The following ERBB4 variants were observed in gnomAD, a reference collection of about 807,000 sequenced individuals.
ERBB4 encodes receptor tyrosine-protein kinase erbB-4.
ERBB4 carries 42 observed loss-of-function variants against 158.0 expected under a neutral mutation model. The observed-to-expected ratio is 0.27, with a 90% confidence interval of 0.21 to 0.34. The LOEUF is 0.34. Among genes scored for constraint, ERBB4 ranks in the 10% least tolerant of loss-of-function variants. The pLI, the probability that ERBB4 is intolerant of heterozygous loss-of-function variation, is 1.00. For missense variants in ERBB4, 1,333 were observed against 1,624.1 expected (o/e 0.82, Z 3.08); for synonymous variants, 583 against 558.7 (o/e 1.04, Z -0.61).
At chr2:211,709,551 C>T (rs777352714) in intron 9 of ERBB4, among the ~76,000 whole-genome samples, 1 of 151,956 alleles carries the variant, frequency 6.6e-6, no homozygotes, top group Non-Finnish European at 1.5e-5. Flanking sequence ...CACCACCCCA[C>T]GAACAGGAAG....
chr2:211,739,495 C>G (rs571241211), intron 5 of ERBB4, among the ~76,000 whole-genome samples: 2 of 152,136 alleles, frequency 1.3e-5, no homozygotes, highest in Non-Finnish European at 2.9e-5. Context: ...GACAGAGTCT[C>G]GCTCTGTCAC....
chr2:212,180,957 T>C (rs2081840001), intron 1 of ERBB4, among the ~76,000 whole-genome samples: 1 of 151,736 alleles, frequency 6.6e-6, no homozygotes, highest in South Asian at 2.1e-4. Context: ...AGTGCTTTTA[T>C]TTTATGATCT....
chr2:212,006,921 T>G (rs890963945), intron 2 of ERBB4, among the ~76,000 whole-genome samples: 3 of 152,056 alleles, frequency 2.0e-5, no homozygotes, highest in Non-Finnish European at 2.9e-5. Context: ...ATGAAATTAA[T>G]GATAGGAAAA....
intron 1 of ERBB4, among the ~76,000 whole-genome samples, chr2:212,209,787 GCA>G (rs201801624): frequency 0.032 from 4,818 of 152,182 alleles, 94 homozygotes; most frequent in Middle Eastern, 0.058. Context: ...CCTACTAATT[GCA>G]CAGTGTTCTC....
chr2:212,419,745 C>T (rs1664444396), intron 1 of ERBB4, among the ~76,000 whole-genome samples: 2 of 151,690 alleles, frequency 1.3e-5, no homozygotes, highest in Admixed American at 6.6e-5. Context: ...ATGTTTAAGA[C>T]ATCTGAATAT....
At chr2:212,201,020 A>T (rs2082573632) in intron 1 of ERBB4, among the ~76,000 whole-genome samples, 1 of 152,116 alleles carries the variant, frequency 6.6e-6, no homozygotes, top group Non-Finnish European at 1.5e-5. Context: ...ACGAATGTCT[A>T]CTCCTTTAAA....
At position 212,398,102 on chromosome 2, in the gene ERBB4, A is replaced by G. The variant is rs1038947019; in HGVS notation, c.82+140347T>C. 1.2e-4 allele frequency among the ~76,000 whole-genome samples: 18 copies of G among 149,784 alleles called. No homozygotes were observed. The East Asian group carries it at 2.2e-3, about 18-fold the overall frequency. Reference sequence around the variant, plus strand: ...CTGAAATATAACCTGATACATATATATGTGTGTGTGTGTGTGTGTGTATAT... The same window carrying G: ...CTGAAATATAACCTGATACATATATGTGTGTGTGTGTGTGTGTGTGTATAT... On this transcript the variant is annotated intron_variant, in intron 1 of 27. Coordinates refer to ENST00000342788, the MANE Select transcript of ERBB4 (RefSeq NM_005235.3).
At chr2:212,445,495 G>A (rs1484389406) in intron 1 of ERBB4, among the ~76,000 whole-genome samples, 2 of 152,070 alleles carry the variant, frequency 1.3e-5, no homozygotes, top group Non-Finnish European at 2.9e-5. Flanking sequence ...GACACTTTAG[G>A]ATCCTCCTAC....
chr2:212,483,190 T>C (rs1293681451), intron 1 of ERBB4, among the ~76,000 whole-genome samples: 1 of 152,216 alleles, frequency 6.6e-6, no homozygotes, highest in Non-Finnish European at 1.5e-5. Context: ...TCTATCCCTG[T>C]CTTCCTGTGA....
At chr2:211,588,151 A>T (rs1438353592) in intron 19 of ERBB4, among the ~76,000 whole-genome samples, 1 of 152,208 alleles carries the variant, frequency 6.6e-6, no homozygotes, top group East Asian at 1.9e-4. Flanking sequence ...GAAGAAAAAT[A>T]AGAATGTATG....
intron 3 of ERBB4, among the ~76,000 whole-genome samples, chr2:211,903,050 CT>C (rs1395872282): frequency 6.6e-6 from 1 of 151,818 alleles, no homozygotes; most frequent in Non-Finnish European, 1.5e-5. Flanking sequence ...ATATATAGCT[CT>C]TCTATTGCAT....
At chr2:211,786,149 A>G (rs1231667502) in intron 4 of ERBB4, among the ~76,000 whole-genome samples, 1 of 152,184 alleles carries the variant, frequency 6.6e-6, no homozygotes, top group African/African-American at 2.4e-5. Context: ...AAAGATAATA[A>G]TGACCCCCCA....
intron 2 of ERBB4, among the ~76,000 whole-genome samples, chr2:212,081,465 A>T (rs1051963842): frequency 4.6e-5 from 7 of 152,182 alleles, no homozygotes; most frequent in Admixed American, 1.3e-4. Flanking sequence ...TAATGCCATC[A>T]CACTAAATCA....
At chr2:211,582,081 T>A (rs12694243) in intron 19 of ERBB4, among the ~76,000 whole-genome samples, 7 of 151,878 alleles carry the variant, frequency 4.6e-5, no homozygotes, top group Non-Finnish European at 4.4e-5. Flanking sequence ...TATCTTCTGG[T>A]GACTACAGGC....
rs2062611863 is a variant in ERBB4, at chr2:211,383,425, T to C, written c.*190A>G. On this transcript the variant is annotated 3_prime_UTR_variant, in exon 28 of 28. Coordinates refer to ENST00000342788, the MANE Select transcript of ERBB4 (RefSeq NM_005235.3). ...AAGAAACATTGTGGTTCCTCCTATC[T>C]TTCTCTTTCAGTCTTTCCCTCTAAT... 3.3e-6 allele frequency: 2 copies of C among 601,254 alleles called. No individual in the cohort carries two copies. The highest frequency in any genetic ancestry group is 3.9e-5 in the South Asian group (2 of 51,132). 37.2% of individuals were successfully genotyped at this position (601,254 alleles called of 1,614,324 possible).
intron 19 of ERBB4, among the ~76,000 whole-genome samples, chr2:211,609,375 A>ATTTT (rs2069106063): frequency 6.6e-6 from 1 of 152,170 alleles, no homozygotes; most frequent in East Asian, 1.9e-4. Context: ...AAGAATTTAG[A>ATTTT]CAGACAGGCC....
At chr2:212,154,319 T>G (rs2080966486) in intron 1 of ERBB4, among the ~76,000 whole-genome samples, 1 of 152,158 alleles carries the variant, frequency 6.6e-6, no homozygotes, top group South Asian at 2.1e-4. Flanking sequence ...CAGCCCTGCC[T>G]TAATATACAA....
At position 212,124,906 on chromosome 2, in the gene ERBB4, G is replaced by A. The variant is rs2125571829; in HGVS notation, c.83-3C>T. Reference sequence around the variant, plus strand: ...TTTATTCTCCGTTCCTGCACACACTGCAAAGACAAGAAGATACACGTGAAA... The same window carrying A: ...TTTATTCTCCGTTCCTGCACACACTACAAAGACAAGAAGATACACGTGAAA... On this transcript the variant is annotated splice_region_variant and splice_polypyrimidine_tract_variant and intron_variant, in intron 1 of 27. Coordinates refer to ENST00000342788, the MANE Select transcript of ERBB4 (RefSeq NM_005235.3). The A allele has an allele frequency of 6.2e-7, 1 of 1,614,036 alleles. No individual in the cohort carries two copies. The highest frequency in any genetic ancestry group is 1.1e-5 in the South Asian group (1 of 91,082).
At chr2:211,997,341 C>T (rs1000405064) in intron 2 of ERBB4, among the ~76,000 whole-genome samples, 3 of 151,608 alleles carry the variant, frequency 2.0e-5, no homozygotes, top group Non-Finnish European at 2.9e-5. Context: ...CCTCTAGTAA[C>T]TTTCACTTGT....
Sources: gnomAD v4.1 joint callset for allele counts (sites outside exome capture counted in the v4.1 genomes callset) on GRCh38, gnomAD v4.1.1 for gene constraint, MANE v1.5 for transcripts, NCBI Gene and HGNC (gene_info 2026-07-23, HGNC 2026-07-21) for gene names.